Variants in MAMDC2 observed in about 807,000 individuals in gnomAD.
MAMDC2 encodes the protein MAM domain-containing protein 2.
A neutral mutation model predicts 89.8 loss-of-function variants in MAMDC2; 57 were observed. The ratio of observed to expected loss-of-function variants is 0.63; its 90% CI spans 0.51 to 0.79. The LOEUF (loss-of-function observed/expected upper bound fraction) is 0.79, where lower values mean the gene tolerates loss of function less well. Ranked by LOEUF, MAMDC2 falls within the 30% of genes least tolerant of loss-of-function variation. The pLI is 0.00. For synonymous variants in MAMDC2, 313 were observed against 293.4 expected (o/e 1.07, Z -0.68); for missense variants, 800 against 820.6 (o/e 0.97, Z 0.31).
rs143129227 is a variant in MAMDC2 at position 70,212,630 on chromosome 9, C to G, written c.1652-5707C>G. On this transcript the variant is annotated intron_variant, in intron 11 of 13. Transcript: ENST00000377182. ...GCTCACACTCCGTGGGCTGCATCCG[C>G]TGTCCAATAAGCCCCAGTGAGATGA... Among the ~76,000 whole-genome samples, 645 of 152,334 alleles carry G rather than the reference C, an allele frequency of 4.2e-3. 7 individuals carry two copies. Among genetic ancestry groups the G allele is most frequent in the African/African-American group, 0.015 (605 of 41,564 alleles).
intron 8 of MAMDC2, among the ~76,000 whole-genome samples, chr9:70,141,614 C>T (rs1293418433): frequency 6.6e-6 from 1 of 152,124 alleles, no homozygotes; most frequent in African/African-American, 2.4e-5. Context: ...GAAAAAAATA[C>T]AAATTTTATT....
At chr9:70,126,105 TCCCCTC>T in intron 5 of MAMDC2, 48 bp from the exon 6 acceptor site, 1 of 1,519,370 alleles carries the variant, frequency 6.6e-7, no homozygotes, top group Non-Finnish European at 8.9e-7. Flanking sequence ...CTGAACCTCT[TCCCCTC>T]CCCCACCCCC....
rs755304556 is a variant in MAMDC2, at chr9:70,159,047, T to TACACACACAC, written c.1405-9632_1405-9623dup. 3.3e-3 allele frequency among the ~76,000 whole-genome samples: 472 copies of TACACACACAC among 145,142 alleles called. 2 individuals are homozygous for TACACACACAC. Among genetic ancestry groups the TACACACACAC allele is most frequent in the African/African-American group, 0.01 (405 of 39,770 alleles). On this transcript the variant is annotated intron_variant, in intron 9 of 13. Coordinates refer to ENST00000377182, the MANE Select transcript of MAMDC2 (RefSeq NM_153267.5). ...TAAACATATATGTGTGCATGCATAA[T>TACACACACAC]ACACACACACACACACACACACACA...
chr9:70,170,874 C>A, intron 11 of MAMDC2: 1 of 401,756 alleles, frequency 2.5e-6, no homozygotes, highest in Non-Finnish European at 4.4e-6. Flanking sequence ...GTTCTGCACA[C>A]AAAGAATAGA....
chr9:70,205,296 C>G (rs1053641863), intron 11 of MAMDC2, among the ~76,000 whole-genome samples: 1 of 152,174 alleles, frequency 6.6e-6, no homozygotes, highest in Non-Finnish European at 1.5e-5. Context: ...TTTCCCAAAA[C>G]TGAAACTCCG....
At chr9:70,177,762 A>G (rs996043217) in intron 11 of MAMDC2, among the ~76,000 whole-genome samples, 5 of 152,158 alleles carry the variant, frequency 3.3e-5, no homozygotes, top group African/African-American at 1.2e-4. Flanking sequence ...TTCTGCCTAC[A>G]CTGCCTCACT....
chr9:70,191,315 CT>C (rs1450268129), intron 11 of MAMDC2, among the ~76,000 whole-genome samples: 1 of 151,842 alleles, frequency 6.6e-6, no homozygotes, highest in Non-Finnish European at 1.5e-5. Flanking sequence ...GATTTTTTTG[CT>C]TTTGAACAGA....
intron 11 of MAMDC2, among the ~76,000 whole-genome samples, chr9:70,210,378 A>T (rs2033327884): frequency 6.6e-6 from 1 of 152,070 alleles, no homozygotes; most frequent in Non-Finnish European, 1.5e-5. Flanking sequence ...TCCCTTTACC[A>T]TTATGTAATG....
At position 70,189,422 on chromosome 9, in the gene MAMDC2, T is replaced by A. The variant is rs370474681; in HGVS notation, c.1651+18791T>A. Among the ~76,000 whole-genome samples, 9 of 152,298 alleles carry A rather than the reference T, an allele frequency of 5.9e-5. No individual in the cohort carries two copies. The East Asian group carries it at 9.7e-4, about 16-fold the overall frequency. On this transcript the variant is annotated intron_variant, in intron 11 of 13. Transcript: ENST00000377182. ...TTAATCTTATTGAGGTTCTCTTGTATATAATGAGTCACTTTTCTCTTGCTT... is the reference window on the plus strand; with the variant it reads ...TTAATCTTATTGAGGTTCTCTTGTAAATAATGAGTCACTTTTCTCTTGCTT...
intron 11 of MAMDC2, among the ~76,000 whole-genome samples, chr9:70,200,759 G>A (rs1391342024): frequency 6.7e-6 from 1 of 150,120 alleles, no homozygotes; most frequent in Admixed American, 6.6e-5. Context: ...CCTTGAAGAG[G>A]TCCTTCATAT....
intron 11 of MAMDC2, among the ~76,000 whole-genome samples, chr9:70,199,105 G>A (rs1475109876): frequency 1.3e-5 from 2 of 148,624 alleles, no homozygotes; most frequent in Non-Finnish European, 3.0e-5. Flanking sequence ...TGTGCACATT[G>A]TACAGGTTAG....
chr9:70,100,336 A>C (rs1587469980), intron 2 of MAMDC2, among the ~76,000 whole-genome samples: 1 of 152,220 alleles, frequency 6.6e-6, no homozygotes, highest in East Asian at 1.9e-4. Context: ...AACCAACATC[A>C]AGTTGATGTG....
intron 5 of MAMDC2, among the ~76,000 whole-genome samples, chr9:70,122,775 T>G (rs1025141602): frequency 3.9e-5 from 6 of 152,214 alleles, no homozygotes; most frequent in Admixed American, 1.3e-4. Context: ...TTTTTATTTT[T>G]TTTATGGAGG....
At chr9:70,092,894 A>G (rs1301880172) in intron 2 of MAMDC2, 1 of 152,182 alleles carries the variant, frequency 6.6e-6, no homozygotes, top group Non-Finnish European at 1.5e-5. Flanking sequence ...TATCTTCTCT[A>G]TAATGCAATG....
intron 11 of MAMDC2, among the ~76,000 whole-genome samples, chr9:70,212,123 C>T (rs1416850379): frequency 1.3e-5 from 2 of 152,344 alleles, no homozygotes; most frequent in East Asian, 1.9e-4. Context: ...TCTCAAACTC[C>T]ATGCTGGGAG....
chr9:70,175,420 C>A (rs932134672), intron 11 of MAMDC2, among the ~76,000 whole-genome samples: 3 of 152,162 alleles, frequency 2.0e-5, no homozygotes, highest in Admixed American at 2.0e-4. Flanking sequence ...CCTGATAAAA[C>A]CTTGCTTGTG....
At chr9:70,100,750 G>A (rs1410680672) in intron 2 of MAMDC2, among the ~76,000 whole-genome samples, 7 of 152,204 alleles carry the variant, frequency 4.6e-5, no homozygotes, top group Non-Finnish European at 8.8e-5. Context: ...AGACTTTAAC[G>A]TCAAAGGGCC....
intron 2 of MAMDC2, among the ~76,000 whole-genome samples, chr9:70,052,792 C>A (rs1189745018): frequency 1.3e-5 from 2 of 152,174 alleles, no homozygotes; most frequent in Non-Finnish European, 2.9e-5. Context: ...AGTAATCCTT[C>A]CTACCATGGG....
intron 10 of MAMDC2, 97 bp from the exon 11 acceptor site, chr9:70,170,382 A>G (rs1408368299): frequency 2.2e-6 from 3 of 1,375,906 alleles, no homozygotes; most frequent in East Asian, 2.4e-5. Context: ...CGCATGGCAT[A>G]TGGCCAGACA....
Sources: gnomAD v4.1 joint callset for allele counts (sites outside exome capture counted in the v4.1 genomes callset) on GRCh38, gnomAD v4.1.1 for gene constraint, MANE v1.5 for transcripts, NCBI Gene and HGNC (gene_info 2026-07-23, HGNC 2026-07-21) for gene names.